KDM4C: variants seen among roughly 807,000 people sequenced by gnomAD.
The protein encoded by KDM4C is lysine demethylase 4C.
Under a neutral mutation model 129.3 loss-of-function variants are expected in KDM4C, and 81 were observed. The ratio of observed to expected loss-of-function variants is 0.63; its 90% CI spans 0.52 to 0.75. KDM4C has a LOEUF of 0.75. Ranked by LOEUF, KDM4C falls within the 30% of genes least tolerant of loss-of-function variation. The pLI, the probability that KDM4C is intolerant of heterozygous loss-of-function variation, is 0.00. For missense variants in KDM4C, 1,457 were observed against 1,304.0 expected, an observed-to-expected ratio of 1.12 and a Z score of -1.81; for synonymous variants, 573 against 456.1, an observed-to-expected ratio of 1.26 and a Z score of -3.26.
intron 1 of KDM4C, among the ~76,000 whole-genome samples, chr9:6,788,803 C>T (rs55698604): frequency 0.079 from 12,041 of 152,122 alleles, 690 homozygotes; most frequent in South Asian, 0.23. Context: ...GTTGGGAACA[C>T]GGTGATGGGT....
chr9:7,068,946 C>T (rs1675875861), intron 17 of KDM4C, among the ~76,000 whole-genome samples: 1 of 152,196 alleles, frequency 6.6e-6, no homozygotes, highest in African/African-American at 2.4e-5. Flanking sequence ...ATCCACCTGC[C>T]TCAGCCTCCC....
intron 15 of KDM4C, among the ~76,000 whole-genome samples, chr9:7,021,754 C>T (rs1380392432): frequency 2.0e-5 from 3 of 152,000 alleles, no homozygotes; most frequent in African/African-American, 7.3e-5. Flanking sequence ...GGAGAGTTTC[C>T]CAATATTTTC....
At chr9:7,031,597 G>A (rs1195714285) in intron 15 of KDM4C, among the ~76,000 whole-genome samples, 1 of 151,940 alleles carries the variant, frequency 6.6e-6, no homozygotes, top group Non-Finnish European at 1.5e-5. Context: ...CTATTTTGGT[G>A]GCTGTTTATG....
chr9:7,150,362 C>G (rs1304628164), intron 19 of KDM4C, among the ~76,000 whole-genome samples: 1 of 152,188 alleles, frequency 6.6e-6, no homozygotes, highest in Non-Finnish European at 1.5e-5. Context: ...GAGGAAAGTC[C>G]TGAACACAGT....
At chr9:6,770,716 T>TTTA (rs1821614429) in intron 1 of KDM4C, among the ~76,000 whole-genome samples, 1 of 151,658 alleles carries the variant, frequency 6.6e-6, no homozygotes, top group Non-Finnish European at 1.5e-5. Context: ...ACGTCTTTTT[T>TTTA]TTTTTTTTTC....
chr9:7,077,875 G>C (rs185939745), intron 17 of KDM4C, among the ~76,000 whole-genome samples: 31 of 152,282 alleles, frequency 2.0e-4, no homozygotes, highest in African/African-American at 7.2e-4. Flanking sequence ...GGAAACACAT[G>C]GTCACCCTCT....
At chr9:6,748,913 T>C (rs1317023887) in intron 1 of KDM4C, 7 of 940,232 alleles carry the variant, frequency 7.4e-6, no homozygotes, top group East Asian at 4.8e-5. Flanking sequence ...TTTGTAAGTA[T>C]CTGAAGATGA....
At chr9:6,980,181 G>A (rs966277291) in intron 8 of KDM4C, among the ~76,000 whole-genome samples, 5 of 152,148 alleles carry the variant, frequency 3.3e-5, no homozygotes, top group East Asian at 1.9e-4. Flanking sequence ...TCCCTGTTGC[G>A]TAGTGCTGGC....
At chr9:6,764,561 T>G (rs1337177123) in intron 1 of KDM4C, among the ~76,000 whole-genome samples, 1 of 152,214 alleles carries the variant, frequency 6.6e-6, no homozygotes, top group African/African-American at 2.4e-5. Context: ...GGATTCCCTA[T>G]GATTTCATGG....
At chr9:7,044,260 G>A (rs974543245) in intron 15 of KDM4C, among the ~76,000 whole-genome samples, 2 of 151,860 alleles carry the variant, frequency 1.3e-5, no homozygotes, top group Non-Finnish European at 2.9e-5. Flanking sequence ...GATGAATGGC[G>A]CAGGCTGGCT....
intron 6 of KDM4C, among the ~76,000 whole-genome samples, chr9:6,887,190 G>C (rs1442218835): frequency 6.6e-6 from 1 of 152,188 alleles, no homozygotes; most frequent in East Asian, 1.9e-4. Flanking sequence ...GTGTGGAGCA[G>C]TACATCAGAC....
chr9:7,070,974 T>A (rs1243238308), intron 17 of KDM4C, among the ~76,000 whole-genome samples: 2 of 152,160 alleles, frequency 1.3e-5, no homozygotes, highest in East Asian at 3.8e-4. Context: ...AATGAGTGTG[T>A]CAAGTTTTCA....
At chr9:6,836,671 T>C (rs1356500337) in intron 4 of KDM4C, among the ~76,000 whole-genome samples, 3 of 152,342 alleles carry the variant, frequency 2.0e-5, no homozygotes, top group East Asian at 3.9e-4. Flanking sequence ...GGCTTATTTT[T>C]GACCTTATTA....
chr9:6,796,462 T>C (rs1478320713), intron 2 of KDM4C, among the ~76,000 whole-genome samples: 1 of 152,162 alleles, frequency 6.6e-6, no homozygotes, highest in East Asian at 1.9e-4. Context: ...CACTTTTGTT[T>C]CCGGAAAACA....
chr9:7,085,518 A>G (rs1399881173), intron 17 of KDM4C, among the ~76,000 whole-genome samples: 1 of 152,138 alleles, frequency 6.6e-6, no homozygotes, highest in Non-Finnish European at 1.5e-5. Flanking sequence ...CGGGGTCATG[A>G]TGGCTGACCC....
At chr9:7,100,971 A>G (rs1837015548) in intron 17 of KDM4C, among the ~76,000 whole-genome samples, 1 of 152,072 alleles carries the variant, frequency 6.6e-6, no homozygotes, top group East Asian at 1.9e-4. Flanking sequence ...TAGGAATTCC[A>G]TACATGTTCT....
At chr9:7,097,240 G>C (rs556754326) in intron 17 of KDM4C, among the ~76,000 whole-genome samples, 2 of 152,196 alleles carry the variant, frequency 1.3e-5, no homozygotes, top group African/African-American at 4.8e-5. Flanking sequence ...CTCAGCCAGC[G>C]TGCAGCATGT....
chr9:6,979,672 C>T (rs112588327), intron 8 of KDM4C, among the ~76,000 whole-genome samples: 5,927 of 152,152 alleles, frequency 0.039, 417 homozygotes, highest in African/African-American at 0.14. Flanking sequence ...ACAGCTATAA[C>T]GATGGATTAT....
intron 5 of KDM4C, among the ~76,000 whole-genome samples, chr9:6,873,878 C>T (rs974476875): frequency 1.6e-4 from 24 of 151,392 alleles, no homozygotes; most frequent in African/African-American, 5.3e-4. Context: ...GCATGGAGCT[C>T]TTCTTTTTCT....
Sources: allele counts gnomAD v4.1 joint callset (sites outside exome capture counted in the v4.1 genomes callset), GRCh38; gene constraint gnomAD v4.1.1; transcripts MANE v1.5; gene names NCBI Gene and HGNC (gene_info 2026-07-23, HGNC 2026-07-21).